TRIQK: variants seen among roughly 807,000 people sequenced by gnomAD.
TRIQK encodes the protein triple QxxK/R motif-containing protein.
In TRIQK, 10 loss-of-function variants were observed where a neutral mutation model predicts 10.8. The observed-to-expected ratio is 0.92, with a 90% CI of 0.57 to 1.57. The LOEUF (loss-of-function observed/expected upper bound fraction) is 1.57. Ranked by LOEUF, TRIQK falls within the 40% of genes most tolerant of loss-of-function variation. The probability of loss-of-function intolerance (pLI) is 0.00; values close to 1 mark genes in which losing one functional copy is unlikely to be tolerated. For synonymous variants in TRIQK, 33 were observed against 33.7 expected (o/e 0.98, Z 0.07); for missense variants, 107 against 97.7 (o/e 1.09, Z -0.40).
At chr8:92,977,585 T>C (rs1812946178) in intron 1 of TRIQK, among the ~76,000 whole-genome samples, 1 of 152,142 alleles carries the variant, frequency 6.6e-6, no homozygotes, top group African/African-American at 2.4e-5. Context: ...AAGATAGTTA[T>C]AACTGCTTAT....
intron 3 of TRIQK, among the ~76,000 whole-genome samples, chr8:92,900,198 G>A (rs1041274900): frequency 1.3e-5 from 2 of 152,042 alleles, no homozygotes; most frequent in African/African-American, 4.8e-5. Flanking sequence ...TCTGTGGGTT[G>A]TCCCTTTCAC....
chr8:92,921,082 T>C (rs1389990626), intron 2 of TRIQK, among the ~76,000 whole-genome samples: 1 of 151,710 alleles, frequency 6.6e-6, no homozygotes, highest in Non-Finnish European at 1.5e-5. Context: ...TTTTCCATTC[T>C]TCCCTTTATA....
chr8:92,917,037 A>T (rs1167622438), intron 2 of TRIQK, 27 bp from the exon 3 acceptor site: 11 of 1,425,018 alleles, frequency 7.7e-6, no homozygotes, highest in South Asian at 1.5e-5. Context: ...TATAATGAAA[A>T]TTTTTTTAAA....
chr8:92,976,585 A>G (rs1812933646), intron 1 of TRIQK, among the ~76,000 whole-genome samples: 1 of 151,876 alleles, frequency 6.6e-6, no homozygotes. Context: ...TTAAAATCTA[A>G]TTTGACTACA....
intron 1 of TRIQK, among the ~76,000 whole-genome samples, chr8:93,007,036 G>C (rs377653976): frequency 6.6e-6 from 1 of 152,164 alleles, no homozygotes; most frequent in African/African-American, 2.4e-5. Flanking sequence ...GCCTGATCCC[G>C]TACCTCCTGA....
intron 3 of TRIQK, among the ~76,000 whole-genome samples, chr8:92,903,362 T>G (rs1809060844): frequency 6.6e-6 from 1 of 151,858 alleles, no homozygotes; most frequent in Admixed American, 6.6e-5. Context: ...TTCAAGCACT[T>G]AAATGTCTAC....
At chr8:92,890,388 T>C (rs1428203039) in intron 4 of TRIQK, among the ~76,000 whole-genome samples, 3 of 151,788 alleles carry the variant, frequency 2.0e-5, no homozygotes, top group Admixed American at 1.3e-4. Flanking sequence ...TATGTTCTGC[T>C]GTCAGTTTGA....
intron 2 of TRIQK, among the ~76,000 whole-genome samples, chr8:92,947,717 C>A (rs1380779550): frequency 6.6e-6 from 1 of 151,648 alleles, no homozygotes; most frequent in African/African-American, 2.4e-5. Flanking sequence ...AATAATGAAG[C>A]CCATAAACTA....
chr8:92,964,771 C>T (rs532652510), intron 1 of TRIQK: 1 of 151,864 alleles, frequency 6.6e-6, no homozygotes, highest in Non-Finnish European at 1.5e-5. Context: ...CTTTCACAAC[C>T]AATTATTCCT....
intron 3 of TRIQK, among the ~76,000 whole-genome samples, chr8:92,899,266 T>C (rs1808793993): frequency 6.6e-6 from 1 of 152,096 alleles, no homozygotes; most frequent in African/African-American, 2.4e-5. Flanking sequence ...ATTACAGGCA[T>C]GAGCCACTGC....
At chr8:92,981,280 A>T (rs1812983822) in intron 1 of TRIQK, among the ~76,000 whole-genome samples, 1 of 151,882 alleles carries the variant, frequency 6.6e-6, no homozygotes, top group Admixed American at 6.6e-5. Context: ...TTATTAGTAC[A>T]TGGTCATTTG....
At chr8:92,933,155 A>G (rs1586450578) in intron 2 of TRIQK, among the ~76,000 whole-genome samples, 3 of 152,200 alleles carry the variant, frequency 2.0e-5, no homozygotes. Flanking sequence ...CCAATTTCCA[A>G]TCCAACATCA....
chr8:93,016,568 CAAATGTATAAAACCTTTTTA>C (rs1813385760), intron 1 of TRIQK, among the ~76,000 whole-genome samples: 1 of 152,132 alleles, frequency 6.6e-6, no homozygotes, highest in Admixed American at 6.5e-5. Context: ...GTAGAGAACT[CAAATGTATAAAACCTTTTTA>C]AATTCAGTTC....
At chr8:92,991,823 A>G (rs1266738793) in intron 1 of TRIQK, among the ~76,000 whole-genome samples, 1 of 152,214 alleles carries the variant, frequency 6.6e-6, no homozygotes, top group African/African-American at 2.4e-5. Context: ...ATACAAAATC[A>G]GTGTGCAAAA....
At chr8:93,005,245 G>A (rs1813256069) in intron 1 of TRIQK, among the ~76,000 whole-genome samples, 2 of 152,218 alleles carry the variant, frequency 1.3e-5, no homozygotes, top group Admixed American at 6.5e-5. Context: ...AGAAGGTGAA[G>A]AGGAAGCAAG....
intron 1 of TRIQK, among the ~76,000 whole-genome samples, chr8:93,005,994 G>C (rs541650323): frequency 6.7e-6 from 1 of 149,504 alleles, no homozygotes; most frequent in Non-Finnish European, 1.5e-5. Flanking sequence ...AAAACCAGTA[G>C]CATTTTTGTT....
chr8:92,998,373 G>A (rs1043802147), intron 1 of TRIQK, among the ~76,000 whole-genome samples: 20 of 151,908 alleles, frequency 1.3e-4, no homozygotes, highest in African/African-American at 4.8e-4. Flanking sequence ...TTTATATTTC[G>A]TTTAAGAAAG....
At chr8:92,997,236 A>C (rs1813161484) in intron 1 of TRIQK, among the ~76,000 whole-genome samples, 1 of 152,096 alleles carries the variant, frequency 6.6e-6, no homozygotes, top group Admixed American at 6.5e-5. Context: ...CACAATAAAC[A>C]TACTGGCACT....
intron 2 of TRIQK, among the ~76,000 whole-genome samples, chr8:92,949,822 GAAAGAA>G (rs1167970335): frequency 5.2e-5 from 6 of 114,576 alleles, no homozygotes. Flanking sequence ...AAGAAAGAAA[GAAAGAA>G]AGAAAGAAAG....
Sources: gnomAD v4.1 joint callset for allele counts (sites outside exome capture counted in the v4.1 genomes callset) on GRCh38, gnomAD v4.1.1 for gene constraint, MANE v1.5 for transcripts, NCBI Gene and HGNC (gene_info 2026-07-23, HGNC 2026-07-21) for gene names.